TFEB: variants seen among roughly 807,000 people sequenced by gnomAD.
TFEB encodes the protein T-cell transcription factor EB.
In TFEB, 12 loss-of-function variants were observed where a neutral mutation model predicts 48.0. The observed-to-expected ratio is 0.25, with a 90% confidence interval of 0.16 to 0.40. The LOEUF is 0.40. Ranked by LOEUF, TFEB falls within the 10% of genes least tolerant of loss-of-function variation. TFEB has a pLI of 1.00. For synonymous variants in TFEB, 244 were observed against 261.4 expected (o/e 0.93, Z 0.64); for missense variants, 509 against 640.3 (o/e 0.79, Z 2.21).
At chr6:41,694,299 G>C (rs1454534153) in intron 1 of TFEB, among the ~76,000 whole-genome samples, 1 of 152,158 alleles carries the variant, frequency 6.6e-6, no homozygotes, top group Non-Finnish European at 1.5e-5. Context: ...GAGCCTCCTG[G>C]GAGAGGACGT....
chr6:41,734,807 C>A lies in TFEB; in HGVS notation c.-23+543G>T, dbSNP rs947051876. On this transcript the variant is annotated intron_variant, in intron 1 of 8. Transcript: ENST00000373033. The surrounding 1 kb of genome is among the most constrained non-coding windows in gnomAD (Gnocchi z 4.0). Reference sequence around the variant, plus strand: ...AGAGATGGTACTTCCACCCGCCCCCCCATCAGCCCAGCCCCCGGGGCGTGG... The same window carrying A: ...AGAGATGGTACTTCCACCCGCCCCCACATCAGCCCAGCCCCCGGGGCGTGG... 31 of 822,214 alleles carry A rather than the reference C, an allele frequency of 3.8e-5. No homozygotes were observed. Among genetic ancestry groups the A allele is most frequent in the East Asian group, 1.2e-4 (1 of 8,016 alleles). The allele number at this position is 822,214 out of a possible 1,614,324, so 50.9% of individuals were successfully genotyped here.
At position 41,687,741 on chromosome 6, in the gene TFEB, G is replaced by A; in HGVS notation, c.727+12C>T. 1.2e-6 allele frequency: 2 copies of A among 1,614,052 alleles called. No individual in the cohort carries two copies. The highest frequency in any genetic ancestry group is 2.2e-5 in the South Asian group (2 of 91,058). ...AAGAGGGAGGCAGGGAGAGGGGCGG[G>A]GCAGGACTCACTTAAGTTGTGATTG... On this transcript the variant is annotated intron_variant, in intron 6 of 8. Coordinates refer to ENST00000373033, the MANE Select transcript of TFEB (RefSeq NM_001271944.2).
At position 41,691,248 on chromosome 6, in the gene TFEB, A is replaced by G; in HGVS notation, c.-22-13T>C. On this transcript the variant is annotated splice_polypyrimidine_tract_variant and intron_variant, in intron 1 of 8. Coordinates refer to ENST00000373033, the MANE Select transcript of TFEB (RefSeq NM_001271944.2). The surrounding 1 kb of genome is among the most constrained non-coding windows in gnomAD (Gnocchi z 5.2). ...CGGCGCTGGCTCCCTGTGGATGAGA[A>G]GGGGCAGCAGGTATATGAGGCACGT... is the stretch of plus-strand genomic sequence containing the variant. The G allele has an allele frequency of 6.4e-7, 1 of 1,556,016 alleles. No homozygotes were observed. Among genetic ancestry groups the G allele is most frequent in the African/African-American group, 1.4e-5 (1 of 73,558 alleles).
chr6:41,686,385 T>G, intron 7 of TFEB, 148 bp from the exon 8 acceptor site: 2 of 967,358 alleles, frequency 2.1e-6, no homozygotes, highest in Non-Finnish European at 3.0e-6. Flanking sequence ...GATCTCAGTT[T>G]GCACAGAATG....
intron 4 of TFEB, among the ~76,000 whole-genome samples, chr6:41,689,218 A>G (rs1164016144): frequency 4.6e-5 from 7 of 152,092 alleles, no homozygotes; most frequent in Non-Finnish European, 1.0e-4. Flanking sequence ...CTGCCAGGAG[A>G]CGCAGGAAGC....
Position 41,684,189 on chromosome 6 carries a change from C to T in TFEB, c.*410G>A, listed in dbSNP as rs368590695. ...GCCATCTGAGTCCCAAAAAGGCAGGCCTGAGCACCCCCAGGACCAGTTGCC... is the reference window on the plus strand; with the variant it reads ...GCCATCTGAGTCCCAAAAAGGCAGGTCTGAGCACCCCCAGGACCAGTTGCC... On this transcript the variant is annotated 3_prime_UTR_variant, in exon 9 of 9. Transcript: ENST00000373033. The T allele has an allele frequency of 2.5e-4, 60 of 237,022 alleles. 1 individual carries two copies. Among genetic ancestry groups the T allele is most frequent in the African/African-American group, 9.0e-4 (41 of 45,556 alleles). The allele number at this position is 237,022 out of a possible 1,614,324, so 14.7% of individuals were successfully genotyped here. A position where few individuals can be genotyped will look rare whatever the true frequency, so the allele number is the denominator to read the frequency against.
rs1771570990 is a variant in TFEB, at chr6:41,734,191, A to C, written c.-23+1159T>G. 1 of 227,800 alleles carries C rather than the reference A, an allele frequency of 4.4e-6. No individual in the cohort carries two copies. Among genetic ancestry groups the C allele is most frequent in the Admixed American group, 6.5e-5 (1 of 15,360 alleles). The allele number at this position is 227,800 out of a possible 1,614,324, so 14.1% of individuals were successfully genotyped here. ...AGACAGGCGAGAGAACGACGGCTGG[A>C]GCTGAGGGGGGTTCGGGGGAAGGCG... On this transcript the variant is annotated intron_variant, in intron 1 of 8. Coordinates refer to ENST00000373033, the MANE Select transcript of TFEB (RefSeq NM_001271944.2). The surrounding 1 kb of genome is among the most constrained non-coding windows in gnomAD (Gnocchi z 4.0).
chr6:41,692,556 C>G (rs902099093), intron 1 of TFEB, among the ~76,000 whole-genome samples: 14 of 152,222 alleles, frequency 9.2e-5, no homozygotes, highest in African/African-American at 3.4e-4. Context: ...AGCCCCCCAG[C>G]CCAGTCTGGA....
intron 6 of TFEB, 78 bp downstream of exon 6, chr6:41,687,675 G>A: frequency 1.3e-6 from 2 of 1,588,220 alleles, no homozygotes; most frequent in Non-Finnish European, 1.7e-6. Flanking sequence ...ACCAGTGCAG[G>A]TCAGGGAGTG....
At chr6:41,699,646 G>A (rs762630291) in intron 1 of TFEB, among the ~76,000 whole-genome samples, 3 of 152,184 alleles carry the variant, frequency 2.0e-5, no homozygotes, top group Non-Finnish European at 4.4e-5. Flanking sequence ...TAGTCGGAGT[G>A]TTTACCACAG....
intron 1 of TFEB, among the ~76,000 whole-genome samples, chr6:41,721,505 C>A (rs1274119533): frequency 6.6e-6 from 1 of 152,030 alleles, no homozygotes; most frequent in Non-Finnish European, 1.5e-5. Flanking sequence ...TGGAGACCCA[C>A]CAAACTGATT....
chr6:41,727,211 A>C (rs1303691997), intron 1 of TFEB, among the ~76,000 whole-genome samples: 1 of 152,204 alleles, frequency 6.6e-6, no homozygotes, highest in Admixed American at 6.5e-5. Context: ...GACTGTGAGA[A>C]AGGTACTGGT....
intron 1 of TFEB, among the ~76,000 whole-genome samples, chr6:41,726,169 A>G (rs1346691020): frequency 1.3e-5 from 2 of 152,234 alleles, no homozygotes; most frequent in East Asian, 1.9e-4. Flanking sequence ...TATACACAAC[A>G]TAAGTGACTC....
chr6:41,714,140 C>T (rs13217983), intron 1 of TFEB, among the ~76,000 whole-genome samples: 15,367 of 144,742 alleles, frequency 0.11, 1,052 homozygotes, highest in Admixed American at 0.19. Context: ...TGCATGTGTG[C>T]GTGTGTGTGC....
rs993420573 is a variant in TFEB, at chr6:41,734,173, CGAGA to C, written c.-23+1173_-23+1176del. ...CTGAACCGTCCCCAGAACAGACAGG[CGAGA>C]GAACGACGGCTGGAGCTGAGGGGGG... On this transcript the variant is annotated intron_variant, in intron 1 of 8. Transcript: ENST00000373033. This position sits in a 1 kb window ranked among gnomAD's most constrained non-coding sequence, Gnocchi z 4.0. The C allele has an allele frequency of 4.8e-6, 1 of 207,306 alleles. No individual in the cohort carries two copies. Among genetic ancestry groups the C allele is most frequent in the Non-Finnish European group, 8.4e-6 (1 of 118,482 alleles). 12.8% of individuals were successfully genotyped at this position (207,306 alleles called of 1,614,324 possible).
intron 1 of TFEB, among the ~76,000 whole-genome samples, chr6:41,710,590 G>A (rs961088460): frequency 6.6e-5 from 10 of 152,104 alleles, no homozygotes; most frequent in Admixed American, 2.6e-4. Context: ...GAAACAGATG[G>A]AGCAACATAG....
chr6:41,703,703 C>A (rs1246112065), intron 1 of TFEB, among the ~76,000 whole-genome samples: 2 of 152,244 alleles, frequency 1.3e-5, no homozygotes, highest in African/African-American at 4.8e-5. Context: ...CAGAAGGTGG[C>A]CTGTTTTCTC....
intron 1 of TFEB, among the ~76,000 whole-genome samples, chr6:41,731,473 A>C (rs1771447206): frequency 2.7e-5 from 4 of 146,394 alleles, no homozygotes; most frequent in Admixed American, 6.8e-5. Context: ...CTAACAACCC[A>C]CCCCCACCAC....
At chr6:41,733,064 C>T (rs1320525243) in intron 1 of TFEB, 1 of 985,150 alleles carries the variant, frequency 1.0e-6, no homozygotes, top group East Asian at 1.1e-4. Flanking sequence ...TTAACTCTGG[C>T]TAATGATGCA....
Sources: gnomAD v4.1 joint callset for allele counts (sites outside exome capture counted in the v4.1 genomes callset) on GRCh38, gnomAD v4.1.1 for gene constraint, Gnocchi (gnomAD v3.1) non-coding constraint, MANE v1.5 for transcripts, NCBI Gene and HGNC (gene_info 2026-07-23, HGNC 2026-07-21) for gene names.